PCDH11X: variants seen among roughly 807,000 people sequenced by gnomAD.
The protein encoded by PCDH11X is protocadherin-11 X-linked.
PCDH11X carries 18 observed loss-of-function variants against 53.3 expected under a neutral mutation model. That is an observed-to-expected ratio of 0.34 (90% CI 0.23 to 0.50). The LOEUF is 0.50. Ranked by LOEUF, PCDH11X falls within the 20% of genes least tolerant of loss-of-function variation. PCDH11X has a pLI of 0.98. For missense variants in PCDH11X, 570 were observed against 1,032.4 expected, an observed-to-expected ratio of 0.55 and a Z score of 6.14; for synonymous variants, 279 against 393.3, an observed-to-expected ratio of 0.71 and a Z score of 3.44.
At chrX:92,615,110 A>T (rs1273988982) in intron 10 of PCDH11X, among the ~76,000 whole-genome samples, 3 of 111,424 alleles carry the variant, frequency 2.7e-5, no homozygotes, top group Admixed American at 1.9e-4. Flanking sequence ...ATTCCTGGAG[A>T]TCTGTCTGCA....
rs779946404 is a variant in PCDH11X, at chrX:91,993,041, C to A, written c.3033+113768C>A. Among the ~76,000 whole-genome samples, 366 of 111,015 alleles carry A rather than the reference C, an allele frequency of 3.3e-3. 2 individuals are homozygous for A. Among genetic ancestry groups the A allele is most frequent in the African/African-American group, 0.011 (343 of 30,540 alleles). On this transcript the variant is annotated intron_variant, in intron 6 of 10. Coordinates refer to ENST00000682573, the MANE Select transcript of PCDH11X (RefSeq NM_032968.5). ...ACAATATGCTAGCTATTGGGTGTAG[C>A]CTTGGAAATACAAGAGTGAAAAAAA...
chrX:92,608,114 C>G (rs1467032458), intron 10 of PCDH11X, among the ~76,000 whole-genome samples: 1 of 108,850 alleles, frequency 9.2e-6, no homozygotes, highest in Non-Finnish European at 1.9e-5. Flanking sequence ...AATTGAATCT[C>G]TATTTTTAGT....
intron 10 of PCDH11X, among the ~76,000 whole-genome samples, chrX:92,530,799 C>A (rs768051054): frequency 5.4e-5 from 6 of 110,929 alleles, no homozygotes; most frequent in Non-Finnish European, 7.6e-5. Context: ...AGGTTGTTTA[C>A]AAAACTTCAA....
At chrX:92,610,569 A>C in intron 10 of PCDH11X, among the ~76,000 whole-genome samples, 1 of 109,255 alleles carries the variant, frequency 9.2e-6, no homozygotes, top group Non-Finnish European at 1.9e-5. Context: ...TTGATAGCTT[A>C]TTTTGCTTTG....
At chrX:91,930,475 A>G (rs956237310) in intron 6 of PCDH11X, among the ~76,000 whole-genome samples, 1 of 106,953 alleles carries the variant, frequency 9.3e-6, no homozygotes, top group Non-Finnish European at 1.9e-5. Context: ...GTAAGAGAAA[A>G]AAAAAAAAAG....
intron 6 of PCDH11X, among the ~76,000 whole-genome samples, chrX:91,956,739 T>C (rs1242293211): frequency 9.1e-6 from 1 of 110,035 alleles, no homozygotes; most frequent in Non-Finnish European, 1.9e-5. Flanking sequence ...TATCTTGGGG[T>C]TGATCTTCTC....
intron 4 of PCDH11X, among the ~76,000 whole-genome samples, chrX:91,812,134 TA>T (rs1247647941): frequency 2.7e-5 from 3 of 110,965 alleles, no homozygotes; most frequent in Non-Finnish European, 5.7e-5. Context: ...GTAATACACT[TA>T]AAAATAATAT....
intron 10 of PCDH11X, among the ~76,000 whole-genome samples, chrX:92,516,782 A>G (rs2074278083): frequency 8.9e-6 from 1 of 112,294 alleles, no homozygotes; most frequent in Non-Finnish European, 1.9e-5. Context: ...ACACAATGTC[A>G]AACGACGACA....
rs192763302 is a variant in PCDH11X at position 92,444,473 on chromosome X, C to A, written c.3344-23826C>A. ...TTTTCTAAATACAGAATTTTGTCAA[C>A]CACAAACAGTGGTAGTTTGACTCTT... is the stretch of plus-strand genomic sequence containing the variant. On this transcript the variant is annotated intron_variant, in intron 9 of 10. Transcript: ENST00000682573. Among the ~76,000 whole-genome samples, 966 of 103,290 alleles carry A rather than the reference C, an allele frequency of 9.4e-3. 12 individuals carry two copies. Among genetic ancestry groups the A allele is most frequent in the African/African-American group, 0.032 (909 of 28,287 alleles). The allele number at this position is 103,290 out of a possible 115,157, so 89.7% of individuals were successfully genotyped here. A position where few individuals can be genotyped will look rare whatever the true frequency, so the allele number is the denominator to read the frequency against.
intron 10 of PCDH11X, among the ~76,000 whole-genome samples, chrX:92,603,500 G>A (rs1169236435): frequency 1.0e-4 from 11 of 106,877 alleles, no homozygotes; most frequent in Non-Finnish European, 1.7e-4. Context: ...TAAACACAGA[G>A]ATCCACACGG....
chrX:92,589,414 T>A (rs1025265288), intron 10 of PCDH11X, among the ~76,000 whole-genome samples: 26 of 111,755 alleles, frequency 2.3e-4, no homozygotes, highest in African/African-American at 8.1e-4. Context: ...AACATATAAA[T>A]ATTAACAACA....
intron 6 of PCDH11X, among the ~76,000 whole-genome samples, chrX:92,034,680 G>T (rs770561885): frequency 9.1e-6 from 1 of 109,980 alleles, no homozygotes; most frequent in African/African-American, 3.3e-5. Context: ...ATTGGGAATT[G>T]CTTTTTTTAT....
intron 10 of PCDH11X, among the ~76,000 whole-genome samples, chrX:92,499,828 T>G: frequency 9.4e-6 from 1 of 106,010 alleles, no homozygotes; most frequent in East Asian, 3.0e-4. Flanking sequence ...AGAGACCATG[T>G]CTCATAAAAA....
intron 6 of PCDH11X, among the ~76,000 whole-genome samples, chrX:92,182,305 C>T (rs904624787): frequency 1.8e-5 from 2 of 111,862 alleles, no homozygotes; most frequent in Non-Finnish European, 3.8e-5. Flanking sequence ...ATTGCCTATA[C>T]CCCCATTGTA....
intron 9 of PCDH11X, among the ~76,000 whole-genome samples, chrX:92,416,468 TA>T: frequency 9.2e-6 from 1 of 109,225 alleles, no homozygotes; most frequent in South Asian, 3.9e-4. Context: ...TCACAAAATT[TA>T]AAAATGAAAA....
intron 9 of PCDH11X, among the ~76,000 whole-genome samples, chrX:92,409,400 C>A (rs1201746018): frequency 8.9e-6 from 1 of 111,881 alleles, no homozygotes; most frequent in Non-Finnish European, 1.9e-5. Flanking sequence ...GGTAAACATT[C>A]CCCTCTCTTA....
intron 10 of PCDH11X, among the ~76,000 whole-genome samples, chrX:92,602,155 T>TA (rs1926301256): frequency 9.0e-6 from 1 of 110,838 alleles, no homozygotes; most frequent in Admixed American, 9.6e-5. Flanking sequence ...GGATGATAAA[T>TA]ACAGAGAGCT....
At chrX:91,793,552 A>G (rs1935631956) in intron 1 of PCDH11X, among the ~76,000 whole-genome samples, 1 of 110,923 alleles carries the variant, frequency 9.0e-6, no homozygotes, top group Admixed American at 9.6e-5. Context: ...TATCAGATTG[A>G]ACAAGAAAGG....
chrX:91,911,634 C>T (rs1049836874), intron 6 of PCDH11X, among the ~76,000 whole-genome samples: 3 of 110,506 alleles, frequency 2.7e-5, no homozygotes, highest in African/African-American at 9.9e-5. Flanking sequence ...ACCCTTCCAG[C>T]CTCTGGTAAC....
Sources: gnomAD v4.1 joint callset for allele counts (sites outside exome capture counted in the v4.1 genomes callset) on GRCh38, gnomAD v4.1.1 for gene constraint, MANE v1.5 for transcripts, NCBI Gene and HGNC (gene_info 2026-07-23, HGNC 2026-07-21) for gene names.